The following TMEM132D variants were observed in gnomAD, a reference collection of about 807,000 sequenced individuals.
TMEM132D encodes the protein transmembrane protein 132D.
A neutral mutation model predicts 62.3 loss-of-function variants in TMEM132D; 21 were observed. That is an observed-to-expected ratio of 0.34 (90% CI 0.24 to 0.49). TMEM132D has a LOEUF of 0.49. Ranked by LOEUF, TMEM132D falls within the 20% of genes least tolerant of loss-of-function variation. TMEM132D has a pLI of 0.99. For missense variants in TMEM132D, 1,346 were observed against 1,402.8 expected (o/e 0.96, Z 0.65); for synonymous variants, 621 against 575.6 (o/e 1.08, Z -1.13).
At chr12:129,134,518 G>C (rs11615215) in intron 5 of TMEM132D, among the ~76,000 whole-genome samples, 1 of 152,118 alleles carries the variant, frequency 6.6e-6, no homozygotes. Context: ...AAATGATTTA[G>C]AGCTCCTATT....
At chr12:129,838,002 C>T (rs1216794757) in intron 1 of TMEM132D, among the ~76,000 whole-genome samples, 3 of 152,120 alleles carry the variant, frequency 2.0e-5, no homozygotes, top group African/African-American at 7.2e-5. Flanking sequence ...AAAGCAATTG[C>T]CCAGACCTGA....
Position 129,342,104 on chromosome 12 carries a change from G to GC in TMEM132D, c.1116-4288dup, listed in dbSNP as rs541465022. Reference sequence around the variant, plus strand: ...AAAGTTCATATGGAACCAAAAAAGAGCCAGCATCGCCAAGTCAATCCTAAG... The same window carrying GC: ...AAAGTTCATATGGAACCAAAAAAGAGCCCAGCATCGCCAAGTCAATCCTAAG... On this transcript the variant is annotated intron_variant, in intron 3 of 8. Coordinates refer to ENST00000422113, the MANE Select transcript of TMEM132D (RefSeq NM_133448.3). Among the ~76,000 whole-genome samples, 67 of 152,278 alleles carry GC rather than the reference G, an allele frequency of 4.4e-4. No individual in the cohort carries two copies. In the East Asian group the frequency reaches 0.012, roughly 27 times the overall value.
intron 5 of TMEM132D, among the ~76,000 whole-genome samples, chr12:129,127,436 C>T (rs1342959357): frequency 6.6e-6 from 1 of 152,264 alleles, no homozygotes; most frequent in African/African-American, 2.4e-5. Context: ...AACCGCCCCT[C>T]GCTTCCGGCA....
chr12:129,731,017 C>T (rs1869215592), intron 1 of TMEM132D, among the ~76,000 whole-genome samples: 1 of 152,152 alleles, frequency 6.6e-6, no homozygotes, highest in South Asian at 2.1e-4. Context: ...ATAAAATCCG[C>T]TTTATATATA....
At chr12:129,900,190 G>T (rs1441003825) in intron 1 of TMEM132D, among the ~76,000 whole-genome samples, 1 of 152,090 alleles carries the variant, frequency 6.6e-6, no homozygotes, top group African/African-American at 2.4e-5. Context: ...GCTGGAAATC[G>T]AATATGAACT....
chr12:129,298,941 A>C (rs1881641162), intron 4 of TMEM132D, among the ~76,000 whole-genome samples: 1 of 152,218 alleles, frequency 6.6e-6, no homozygotes, highest in South Asian at 2.1e-4. Context: ...AGACACGGTC[A>C]CTGGCAAGGG....
chr12:129,158,155 C>T (rs912384601), intron 5 of TMEM132D, among the ~76,000 whole-genome samples: 5 of 152,024 alleles, frequency 3.3e-5, no homozygotes, highest in South Asian at 2.1e-4. Flanking sequence ...TGAGAGATGA[C>T]GGTAGCAGGG....
In TMEM132D at chr12:129,880,043, T is replaced by C. The variant is rs547325188; in HGVS notation, c.79+23218A>G. On this transcript the variant is annotated intron_variant, in intron 1 of 8. Transcript: ENST00000422113. Reference sequence around the variant, plus strand: ...CTCAGAGAATCCCAAGCAGGATAAATAAATTTTAAGGGACATCTTGACACA... The same window carrying C: ...CTCAGAGAATCCCAAGCAGGATAAACAAATTTTAAGGGACATCTTGACACA... Among the ~76,000 whole-genome samples the C allele has an allele frequency of 2.6e-5, 4 of 151,962 alleles. No homozygotes were observed. The East Asian group carries it at 7.8e-4, about 29-fold the overall frequency.
At chr12:129,833,487 T>C (rs1230702025) in intron 1 of TMEM132D, among the ~76,000 whole-genome samples, 2 of 152,036 alleles carry the variant, frequency 1.3e-5, no homozygotes, top group African/African-American at 4.8e-5. Flanking sequence ...CAGCCAGCTG[T>C]GGTGGTGTGC....
At chr12:129,588,376 T>C (rs1878089308) in intron 2 of TMEM132D, among the ~76,000 whole-genome samples, 1 of 152,162 alleles carries the variant, frequency 6.6e-6, no homozygotes, top group Non-Finnish European at 1.5e-5. Context: ...TCTCCAGACC[T>C]GAATCACTCG....
At position 129,267,101 on chromosome 12, in the gene TMEM132D, C is replaced by T. The variant is rs188865243; in HGVS notation, c.1300-57438G>A. 1.3e-3 allele frequency among the ~76,000 whole-genome samples: 198 copies of T among 152,300 alleles called. 1 individual carries two copies. Among genetic ancestry groups the T allele is most frequent in the Non-Finnish European group, 2.5e-3 (171 of 68,030 alleles). On this transcript the variant is annotated intron_variant, in intron 4 of 8. Transcript: ENST00000422113. ...TGGTGCCATTTCATCCCTTCTCTTC[C>T]TCATTATACTCCAGCCACACTGGCC... is the stretch of plus-strand genomic sequence containing the variant.
At chr12:129,746,029 G>C (rs1178340251) in intron 1 of TMEM132D, among the ~76,000 whole-genome samples, 1 of 152,194 alleles carries the variant, frequency 6.6e-6, no homozygotes, top group Non-Finnish European at 1.5e-5. Flanking sequence ...GACCATGAGA[G>C]AGATCCAGAA....
intron 1 of TMEM132D, among the ~76,000 whole-genome samples, chr12:129,821,195 C>T (rs962323502): frequency 6.6e-6 from 1 of 152,172 alleles, no homozygotes; most frequent in African/African-American, 2.4e-5. Flanking sequence ...GACAGATTCT[C>T]TCACCGCAGG....
intron 2 of TMEM132D, among the ~76,000 whole-genome samples, chr12:129,614,520 C>G (rs906239933): frequency 6.6e-5 from 10 of 152,214 alleles, no homozygotes; most frequent in African/African-American, 2.4e-4. Flanking sequence ...TTAGTTCAAA[C>G]AGTTCTGTCT....
chr12:129,423,671 G>A (rs1400717592), intron 3 of TMEM132D, among the ~76,000 whole-genome samples: 1 of 152,170 alleles, frequency 6.6e-6, no homozygotes, highest in Non-Finnish European at 1.5e-5. Flanking sequence ...GTACTCATGA[G>A]TAGAAGAGCT....
At chr12:129,798,544 T>C (rs1231476657) in intron 1 of TMEM132D, among the ~76,000 whole-genome samples, 2 of 152,184 alleles carry the variant, frequency 1.3e-5, no homozygotes, top group Non-Finnish European at 2.9e-5. Flanking sequence ...TGGTGCAGGA[T>C]TGTTGTCCTC....
intron 1 of TMEM132D, among the ~76,000 whole-genome samples, chr12:129,767,035 C>T (rs4759601): frequency 0.59 from 89,282 of 152,114 alleles, 27,328 homozygotes; most frequent in Middle Eastern, 0.77. Context: ...GTACACTGCC[C>T]GTGGAGTAGC....
intron 3 of TMEM132D, among the ~76,000 whole-genome samples, chr12:129,381,374 G>A (rs936367037): frequency 1.3e-5 from 2 of 152,162 alleles, no homozygotes; most frequent in Admixed American, 6.5e-5. Context: ...ATCTAACTTT[G>A]AGAATACTGG....
At chr12:129,669,571 G>T (rs573522589) in intron 2 of TMEM132D, among the ~76,000 whole-genome samples, 243 of 152,206 alleles carry the variant, frequency 1.6e-3, no homozygotes, top group African/African-American at 5.6e-3. Context: ...CTGGCATGGT[G>T]GCTCGTGCCT....
Sources: allele counts gnomAD v4.1 joint callset (sites outside exome capture counted in the v4.1 genomes callset), GRCh38; gene constraint gnomAD v4.1.1; transcripts MANE v1.5; gene names NCBI Gene and HGNC (gene_info 2026-07-23, HGNC 2026-07-21).